PTPRN2: variants seen among roughly 807,000 people sequenced by gnomAD.
PTPRN2 encodes the protein protein tyrosine phosphatase receptor type N2.
PTPRN2 carries 74 observed loss-of-function variants against 118.8 expected under a neutral mutation model. The observed-to-expected ratio is 0.62, with a 90% CI of 0.52 to 0.76. The LOEUF (loss-of-function observed/expected upper bound fraction) is 0.76, where lower values mean the gene tolerates loss of function less well. Ranked by LOEUF, PTPRN2 falls within the 30% of genes least tolerant of loss-of-function variation. The pLI is 0.00. For synonymous variants in PTPRN2, 641 were observed against 608.0 expected (o/e 1.05, Z -0.80); for missense variants, 1,481 against 1,394.4 (o/e 1.06, Z -0.99).
At chr7:158,263,137 ACATT>A (rs1209034833) in intron 3 of PTPRN2, among the ~76,000 whole-genome samples, 13 of 147,460 alleles carry the variant, frequency 8.8e-5, no homozygotes, top group Admixed American at 7.4e-4. Context: ...ACATATACAC[ACATT>A]CACACACTGC....
chr7:158,472,667 C>T (rs528380324), intron 2 of PTPRN2, among the ~76,000 whole-genome samples: 1 of 152,294 alleles, frequency 6.6e-6, no homozygotes, highest in Admixed American at 6.5e-5. Context: ...AATCACTCAC[C>T]CTTCAATGCA....
At chr7:158,250,633 G>C (rs1796596499) in intron 3 of PTPRN2, among the ~76,000 whole-genome samples, 1 of 152,110 alleles carries the variant, frequency 6.6e-6, no homozygotes, top group Admixed American at 6.5e-5. Context: ...TTATAAGACA[G>C]GTATATTTTC....
At chr7:157,745,158 A>T (rs1390759496) in intron 12 of PTPRN2, among the ~76,000 whole-genome samples, 1 of 151,990 alleles carries the variant, frequency 6.6e-6, no homozygotes, top group Non-Finnish European at 1.5e-5. Context: ...TTCTCAGGGG[A>T]AGAAATGAGG....
chr7:158,443,191 G>A (rs1053443713), intron 2 of PTPRN2, among the ~76,000 whole-genome samples: 2 of 152,198 alleles, frequency 1.3e-5, no homozygotes, highest in Admixed American at 1.3e-4. Flanking sequence ...TGTGGGCAGA[G>A]GCAGGAGCGG....
At chr7:157,684,918 C>T (rs1797099991) in intron 12 of PTPRN2, among the ~76,000 whole-genome samples, 1 of 151,926 alleles carries the variant, frequency 6.6e-6, no homozygotes, top group Non-Finnish European at 1.5e-5. Context: ...GCGGCCGCGA[C>T]CCCGGATGCG....
At chr7:158,296,334 G>A (rs1480049804) in intron 3 of PTPRN2, among the ~76,000 whole-genome samples, 4 of 152,146 alleles carry the variant, frequency 2.6e-5, no homozygotes, top group African/African-American at 9.7e-5. Flanking sequence ...TGGCTGCTGA[G>A]CGGCCCGACT....
rs964606835 is a variant in PTPRN2, at chr7:158,203,249, A to G, written c.380+1922T>C. Among the ~76,000 whole-genome samples, 6 of 143,158 alleles carry G rather than the reference A, an allele frequency of 4.2e-5. No homozygotes were observed. The East Asian group carries it at 6.2e-4, about 15-fold the overall frequency. The allele number at this position is 143,158 out of a possible 152,430, so 93.9% of individuals were successfully genotyped here. ...CCAAAAAAAAAAAAAAAAAAAAAAA[A>G]AAGAAGAGGAAAGAAAGAGGAAAGA... On this transcript the variant is annotated intron_variant, in intron 4 of 22. Coordinates refer to ENST00000389418, the MANE Select transcript of PTPRN2 (RefSeq NM_002847.5).
intron 12 of PTPRN2, among the ~76,000 whole-genome samples, chr7:157,771,728 C>T (rs148911932): frequency 1.9e-4 from 29 of 151,710 alleles, no homozygotes; most frequent in East Asian, 1.2e-3. Context: ...CACACACAGA[C>T]GCACAAACAG....
At chr7:158,401,758 G>A (rs867099536) in intron 2 of PTPRN2, among the ~76,000 whole-genome samples, 1 of 152,236 alleles carries the variant, frequency 6.6e-6, no homozygotes, top group Admixed American at 6.5e-5. Context: ...ACAAAAGGAC[G>A]AATGGCTGGT....
At chr7:158,568,096 T>C (rs1827768099) in intron 1 of PTPRN2, among the ~76,000 whole-genome samples, 1 of 152,012 alleles carries the variant, frequency 6.6e-6, no homozygotes, top group Admixed American at 6.6e-5. Context: ...CTACTAAAAA[T>C]ATAAAAATTA....
rs940263629 is a variant in PTPRN2, at chr7:157,944,120, C to T, written c.1724-45383G>A. On this transcript the variant is annotated intron_variant, in intron 11 of 22. Coordinates refer to ENST00000389418, the MANE Select transcript of PTPRN2 (RefSeq NM_002847.5). This position sits in a 1 kb window ranked among gnomAD's most constrained non-coding sequence, Gnocchi z 4.3. Reference sequence around the variant, plus strand: ...CACTTCAATTACAGACACTCCGAGCCCAGGACAGGCTCCAGATGCCCGGCC... The same window carrying T: ...CACTTCAATTACAGACACTCCGAGCTCAGGACAGGCTCCAGATGCCCGGCC... Among the ~76,000 whole-genome samples, 3 of 152,190 alleles carry T rather than the reference C, an allele frequency of 2.0e-5. No individual in the cohort carries two copies. The highest frequency in any genetic ancestry group is 4.4e-5 in the Non-Finnish European group (3 of 68,036).
intron 12 of PTPRN2, among the ~76,000 whole-genome samples, chr7:157,821,303 A>G (rs976237514): frequency 1.3e-5 from 2 of 152,250 alleles, no homozygotes; most frequent in African/African-American, 4.8e-5. Flanking sequence ...GAGTAAAGAC[A>G]TAACTCTAGG....
At chr7:158,256,535 C>A (rs1436979899) in intron 3 of PTPRN2, among the ~76,000 whole-genome samples, 1 of 151,864 alleles carries the variant, frequency 6.6e-6, no homozygotes, top group Non-Finnish European at 1.5e-5. Context: ...CCTATTGGTT[C>A]AGGTACCTGA....
intron 11 of PTPRN2, among the ~76,000 whole-genome samples, chr7:157,954,423 T>G (rs13235930): frequency 2.5e-4 from 23 of 91,680 alleles, no homozygotes; most frequent in South Asian, 7.3e-4. Context: ...TGCTGTGTGG[T>G]GTGTGTGTGG....
chr7:157,782,076 G>A (rs987682254), intron 12 of PTPRN2, among the ~76,000 whole-genome samples: 6 of 152,254 alleles, frequency 3.9e-5, no homozygotes, highest in African/African-American at 1.4e-4. Flanking sequence ...TGTCCCTAGG[G>A]AATAGACCTG....
At chr7:157,910,248 G>C (rs927997466) in intron 11 of PTPRN2, among the ~76,000 whole-genome samples, 14 of 151,930 alleles carry the variant, frequency 9.2e-5, no homozygotes, top group African/African-American at 3.4e-4. Context: ...GATCACGCAC[G>C]TACACCGTGG....
intron 11 of PTPRN2, among the ~76,000 whole-genome samples, chr7:158,043,788 G>C: frequency 6.6e-6 from 1 of 152,222 alleles, no homozygotes; most frequent in Non-Finnish European, 1.5e-5. Context: ...CTTCTGGAAA[G>C]ACCCACCATT....
chr7:157,724,786 A>G (rs531998982), intron 12 of PTPRN2, among the ~76,000 whole-genome samples: 3 of 152,334 alleles, frequency 2.0e-5, no homozygotes, highest in African/African-American at 7.2e-5. Flanking sequence ...ACACCACTGT[A>G]AAGTGAGAAA....
chr7:158,417,072 C>T (rs11979823), intron 2 of PTPRN2, among the ~76,000 whole-genome samples: 66,541 of 151,082 alleles, frequency 0.44, 15,774 homozygotes, highest in East Asian at 0.76. Context: ...CAAGATGCTG[C>T]AGCTCTCAGT....
Sources: gnomAD v4.1 joint callset for allele counts (sites outside exome capture counted in the v4.1 genomes callset) on GRCh38, gnomAD v4.1.1 for gene constraint, Gnocchi (gnomAD v3.1) non-coding constraint, MANE v1.5 for transcripts, NCBI Gene and HGNC (gene_info 2026-07-23, HGNC 2026-07-21) for gene names.